IRAG2: variants seen among roughly 807,000 people sequenced by gnomAD.
IRAG2 encodes lymphoid restricted membrane protein.
Under a neutral mutation model 69.9 loss-of-function variants are expected in IRAG2, and 45 were observed. That is an observed-to-expected ratio of 0.64 (90% CI 0.51 to 0.83). IRAG2 has a LOEUF of 0.83. Among genes scored for constraint, IRAG2 ranks in the 40% least tolerant of loss-of-function variants. The probability of loss-of-function intolerance (pLI) is 0.00; values close to 1 mark genes in which losing one functional copy is unlikely to be tolerated. For synonymous variants in IRAG2, 193 were observed against 202.4 expected, an observed-to-expected ratio of 0.95 and a Z score of 0.40; for missense variants, 520 against 587.0, an observed-to-expected ratio of 0.89 and a Z score of 1.18.
Position 25,079,478 on chromosome 12 carries a change from A to G in IRAG2, c.136+16A>G, listed in dbSNP as rs191465666. On this transcript the variant is annotated intron_variant, in intron 8 of 21. Transcript: ENST00000556887. ...ACTTCAAGTGGTAAGTGGATTTGGA[A>G]ATAATATTAAAATAGACTGTTAGTA... 19 of 1,599,918 alleles carry G rather than the reference A, an allele frequency of 1.2e-5. No homozygotes were observed. The African/African-American group carries it at 2.0e-4, about 17-fold the overall frequency.
At chr12:25,011,539 G>A in exon 3 of IRAG2, 1 of 1,231,594 alleles carries the variant, frequency 8.1e-7, no homozygotes, top group Non-Finnish European at 1.0e-6. Context: ...ATGGCTTACT[G>A]TGGAAACACA....
At chr12:25,053,796 ATAAT>A (rs979222189) in intron 1 of IRAG2, among the ~76,000 whole-genome samples, 5 of 150,692 alleles carry the variant, frequency 3.3e-5, no homozygotes, top group African/African-American at 9.7e-5. Flanking sequence ...ATAATTATAA[ATAAT>A]TATATATTTA....
At chr12:25,097,221 A>G (rs528161550) in intron 15 of IRAG2, among the ~76,000 whole-genome samples, 177 bp downstream of exon 15, 9 of 112,628 alleles carry the variant, frequency 8.0e-5, no homozygotes, top group African/African-American at 4.0e-4. Flanking sequence ...CAAATAAAAA[A>G]TGTTAAAAAA....
upstream of IRAG2, among the ~76,000 whole-genome samples, chr12:25,000,136 A>AG (rs1944380733): frequency 6.6e-6 from 1 of 152,202 alleles, no homozygotes; most frequent in East Asian, 1.9e-4. Context: ...GGCTGTCTAA[A>AG]GGGATGGATA....
intron 10 of IRAG2, among the ~76,000 whole-genome samples, chr12:25,085,833 A>G (rs1947554556): frequency 2.6e-5 from 4 of 150,992 alleles, no homozygotes; most frequent in Admixed American, 2.6e-4. Flanking sequence ...AAATAGTTAT[A>G]ATGACAAGAA....
intron 5 of IRAG2, among the ~76,000 whole-genome samples, 176 bp from the exon 6 acceptor site, chr12:25,069,174 C>T (rs1946169747): frequency 6.6e-6 from 1 of 152,172 alleles, no homozygotes; most frequent in African/African-American, 2.4e-5. Flanking sequence ...TGTAACCTCT[C>T]TCTGATGGAG....
chr12:25,008,726 G>T (rs117945360), intron 2 of IRAG2, among the ~76,000 whole-genome samples: 4,230 of 152,138 alleles, frequency 0.028, 147 homozygotes, highest in East Asian at 0.17. Flanking sequence ...GAGACAAAGC[G>T]AAACTCCATC....
At position 25,101,158 on chromosome 12, in the gene IRAG2, C is replaced by T; in HGVS notation, c.742-20C>T. 5 of 1,582,270 alleles carry T rather than the reference C, an allele frequency of 3.2e-6. No individual in the cohort carries two copies. Among genetic ancestry groups the T allele is most frequent in the Non-Finnish European group, 4.3e-6 (5 of 1,163,114 alleles). Reference sequence around the variant, plus strand: ...GAGTAGTATTTTCAATGTAAATGTGCTCGTTTTTTCTCTTGCTAGGAAAGC... The same window carrying T: ...GAGTAGTATTTTCAATGTAAATGTGTTCGTTTTTTCTCTTGCTAGGAAAGC... On this transcript the variant is annotated intron_variant, in intron 15 of 21. Transcript: ENST00000556887.
At chr12:25,059,743 TA>T (rs1196375904) in intron 1 of IRAG2, among the ~76,000 whole-genome samples, 1 of 152,158 alleles carries the variant, frequency 6.6e-6, no homozygotes, top group Non-Finnish European at 1.5e-5. Context: ...GTGGGCCTAG[TA>T]ACACTATGTC....
chr12:25,106,140 G>T (rs1949085445), intron 20 of IRAG2, among the ~76,000 whole-genome samples: 2 of 151,798 alleles, frequency 1.3e-5, no homozygotes, highest in South Asian at 4.1e-4. Flanking sequence ...GAAAAACTCT[G>T]ATGTTACTCC....
chr12:25,009,713 G>A (rs1473682963), intron 2 of IRAG2, among the ~76,000 whole-genome samples: 2 of 152,058 alleles, frequency 1.3e-5, no homozygotes, highest in Non-Finnish European at 2.9e-5. Flanking sequence ...ACAGGCCTAA[G>A]AACCAGGAGA....
At chr12:25,044,718 C>T (rs550757826) in intron 16 of IRAG2, among the ~76,000 whole-genome samples, 25 of 151,398 alleles carry the variant, frequency 1.7e-4, no homozygotes, top group East Asian at 3.9e-4. Flanking sequence ...CAAGAAAATA[C>T]GATATCTACA....
chr12:25,066,542 ACTC>A lies in IRAG2; in HGVS notation c.-59+34_-59+36del, dbSNP rs535742966. ...GTTAAGAGCAAAATTTACTTACTCT[ACTC>A]CTCATGGGTGGCCCATTCCCATTGC... On this transcript the variant is annotated intron_variant, in intron 5 of 21. Transcript: ENST00000556887. 382 of 400,330 alleles carry A rather than the reference ACTC, an allele frequency of 9.5e-4. 1 individual carries two copies. In the South Asian group the frequency reaches 0.014, roughly 15 times the overall value. 24.8% of individuals were successfully genotyped at this position (400,330 alleles called of 1,614,324 possible). A position where few individuals can be genotyped will look rare whatever the true frequency, so the allele number is the denominator to read the frequency against.
At chr12:25,068,129 C>T (rs1946107306) in intron 5 of IRAG2, among the ~76,000 whole-genome samples, 1 of 152,222 alleles carries the variant, frequency 6.6e-6, no homozygotes, top group South Asian at 2.1e-4. Flanking sequence ...GTGTGAGCCA[C>T]AGCACTTGAC....
chr12:25,066,666 T>C (rs1466940832), intron 5 of IRAG2, among the ~76,000 whole-genome samples, 154 bp downstream of exon 5: 1 of 138,776 alleles, frequency 7.2e-6, no homozygotes, highest in Non-Finnish European at 1.6e-5. Context: ...TCTTTCTTTC[T>C]TTTTTTTTTT....
chr12:25,067,929 C>G (rs1488809234), intron 5 of IRAG2, among the ~76,000 whole-genome samples: 1 of 152,174 alleles, frequency 6.6e-6, no homozygotes, highest in Admixed American at 6.5e-5. Flanking sequence ...CAACCTCTGC[C>G]TCCCGGGTTC....
chr12:25,023,519 T>C (rs548495883), intron 7 of IRAG2, among the ~76,000 whole-genome samples: 23 of 152,220 alleles, frequency 1.5e-4, no homozygotes, highest in Admixed American at 3.3e-4. Context: ...AATAGAACTC[T>C]AGAGCTCTGT....
intron 9 of IRAG2, among the ~76,000 whole-genome samples, chr12:25,080,218 A>G (rs1276352049): frequency 6.6e-6 from 1 of 152,148 alleles, no homozygotes; most frequent in East Asian, 1.9e-4. Context: ...CTTTTCTGCT[A>G]CTTGACTCTG....
At chr12:25,089,106 T>C (rs573850785) in intron 11 of IRAG2, among the ~76,000 whole-genome samples, 19 of 152,354 alleles carry the variant, frequency 1.2e-4, no homozygotes, top group African/African-American at 3.8e-4. Flanking sequence ...AAAGTTGTCA[T>C]AAAATCATAT....
Sources: allele counts gnomAD v4.1 joint callset (sites outside exome capture counted in the v4.1 genomes callset), GRCh38; gene constraint gnomAD v4.1.1; transcripts MANE v1.5; gene names NCBI Gene and HGNC (gene_info 2026-07-23, HGNC 2026-07-21).